Variants in HEATR5A observed in about 807,000 individuals in gnomAD.
HEATR5A encodes HEAT repeat containing 5A, also known as HEAT repeat-containing protein 5A.
A neutral mutation model predicts 218.8 loss-of-function variants in HEATR5A; 178 were observed. The ratio of observed to expected loss-of-function variants is 0.81; its 90% CI spans 0.72 to 0.92. The LOEUF is 0.92. Ranked by LOEUF, HEATR5A falls within the 40% of genes least tolerant of loss-of-function variation. HEATR5A has a pLI of 0.00. For synonymous variants in HEATR5A, 864 were observed against 871.6 expected (o/e 0.99, Z 0.15); for missense variants, 2,420 against 2,418.9 (o/e 1.00, Z -0.01).
chr14:31,345,819 T>C (rs1333625437), intron 19 of HEATR5A, among the ~76,000 whole-genome samples: 1 of 152,174 alleles, frequency 6.6e-6, no homozygotes, highest in Non-Finnish European at 1.5e-5. Context: ...GTATTGATAA[T>C]GGACTGTTTC....
intron 18 of HEATR5A, 123 bp downstream of exon 18, chr14:31,349,664 CAT>C: frequency 1.5e-6 from 1 of 654,230 alleles, no homozygotes; most frequent in South Asian, 2.0e-5. Flanking sequence ...TAGCAGTCAA[CAT>C]TTGACAATTT....
At chr14:31,361,296 T>G (rs1474855339) in intron 14 of HEATR5A, among the ~76,000 whole-genome samples, 1 of 152,190 alleles carries the variant, frequency 6.6e-6, no homozygotes, top group African/African-American at 2.4e-5. Flanking sequence ...AATAGGAAGG[T>G]AGGAACTATT....
At chr14:31,360,035 C>T (rs1901565038) in intron 14 of HEATR5A, among the ~76,000 whole-genome samples, 1 of 103,006 alleles carries the variant, frequency 9.7e-6, no homozygotes, top group Admixed American at 1.3e-4. Context: ...ATCCTGCTAT[C>T]ATAATCTCAT....
At chr14:31,362,904 G>C (rs184523531) in intron 14 of HEATR5A, among the ~76,000 whole-genome samples, 2 of 152,120 alleles carry the variant, frequency 1.3e-5, no homozygotes, top group African/African-American at 4.8e-5. Context: ...GCTGGGCACA[G>C]TGGCTTATGC....
intron 2 of HEATR5A, among the ~76,000 whole-genome samples, 200 bp downstream of exon 2, chr14:31,402,650 C>T (rs967604882): frequency 5.3e-5 from 8 of 152,136 alleles, no homozygotes; most frequent in African/African-American, 1.9e-4. Flanking sequence ...TTTCTTCCTG[C>T]TTTTCTGAAT....
intron 33 of HEATR5A, among the ~76,000 whole-genome samples, chr14:31,299,631 G>A (rs888788555): frequency 6.6e-6 from 1 of 152,120 alleles, no homozygotes; most frequent in Non-Finnish European, 1.5e-5. Flanking sequence ...GCTGAGGCAG[G>A]AGAATTGCTT....
In HEATR5A at chr14:31,371,844, G is replaced by T; in HGVS notation, c.1927C>A (p.Pro643Thr). The T allele has an allele frequency of 6.4e-7, 1 of 1,550,882 alleles. No individual in the cohort carries two copies. The change falls in exon 13 of 36, where the codon CCA (proline) becomes ACA (threonine). Residue 643 changes from proline (P) to threonine (T), a missense_variant. Pro to Thr is a conservative substitution (Grantham distance 38). Transcript: ENST00000543095. ...AAATCCACAGCACAAGGAAGTGGTG[G>T]AAGAAGACGCTGAGTTACTTCCTCA... ...LTEEVTQRLL[P>T]PLPCAVDLLT...
chr14:31,316,848 T>C (rs1000692599), intron 26 of HEATR5A, among the ~76,000 whole-genome samples: 1 of 152,092 alleles, frequency 6.6e-6, no homozygotes, highest in Non-Finnish European at 1.5e-5. Flanking sequence ...CCACCACATC[T>C]GGCTAATTTT....
rs2139240346 is a variant in HEATR5A at position 31,364,075 on chromosome 14, GCA to G, written c.2071+112_2071+113del. The G allele has an allele frequency of 5.5e-6, 3 of 545,238 alleles. No individual in the cohort carries two copies. In the South Asian group the frequency reaches 9.6e-5, roughly 17 times the overall value. The allele number at this position is 545,238 out of a possible 1,614,324, so 33.8% of individuals were successfully genotyped here. A position where few individuals can be genotyped will look rare whatever the true frequency, so the allele number is the denominator to read the frequency against. Reference sequence around the variant, plus strand: ...ACTCCCTAAACCTCCTAGAAACAAGGCACTAAATAACTGCCATTATAATTCAT... The same window carrying G: ...ACTCCCTAAACCTCCTAGAAACAAGGCTAAATAACTGCCATTATAATTCAT... On this transcript the variant is annotated intron_variant, in intron 14 of 35. Coordinates refer to ENST00000543095, the MANE Select transcript of HEATR5A (RefSeq NM_015473.4).
In HEATR5A at chr14:31,305,047, C is replaced by G; in HGVS notation, c.5097G>C (p.Gln1699His). The G allele has an allele frequency of 1.2e-6, 2 of 1,613,930 alleles. No homozygotes were observed. Among genetic ancestry groups the G allele is most frequent in the Non-Finnish European group, 1.7e-6 (2 of 1,179,880 alleles). The change falls in exon 32 of 36, where the codon CAG becomes CAC. Residue 1699 changes from glutamine to histidine, a missense_variant. By Grantham distance (24) the Gln-to-His change is conservative. Coordinates refer to ENST00000543095, the MANE Select transcript of HEATR5A (RefSeq NM_015473.4). ...LELCVCILVR[Q>H]LPELNPKLTG... ...TCAATTTAGGGTTTAATTCTGGGAG[C>G]TGTCTAACTAGAATGCATACACACA...
rs1438664506 is a variant in HEATR5A at position 31,399,786 on chromosome 14, C to T, written c.338+515G>A. On this transcript the variant is annotated intron_variant, in intron 3 of 35. Transcript: ENST00000543095. Reference sequence around the variant, plus strand: ...CAGAGGTTGCAGTGAGTCGAGATCACGCCACTGTACTCCAGCCTGGGTGGA... The same window carrying T: ...CAGAGGTTGCAGTGAGTCGAGATCATGCCACTGTACTCCAGCCTGGGTGGA... 2.0e-5 allele frequency among the ~76,000 whole-genome samples: 3 copies of T among 152,060 alleles called. No homozygotes were observed. In the East Asian group the frequency reaches 5.8e-4, roughly 29 times the overall value.
intron 22 of HEATR5A, among the ~76,000 whole-genome samples, chr14:31,327,822 A>T (rs1900320579): frequency 6.6e-6 from 1 of 152,200 alleles, no homozygotes; most frequent in South Asian, 2.1e-4. Context: ...ACTAGCCTTG[A>T]TCTAGCATCT....
intron 14 of HEATR5A, among the ~76,000 whole-genome samples, chr14:31,361,671 G>A (rs1213088360): frequency 6.6e-6 from 1 of 152,094 alleles, no homozygotes; most frequent in Non-Finnish European, 1.5e-5. Context: ...TAACTTGCTG[G>A]TGAGTTATTT....
chr14:31,385,788 C>A (rs1354028885), intron 9 of HEATR5A, among the ~76,000 whole-genome samples: 3 of 152,186 alleles, frequency 2.0e-5, no homozygotes, highest in Admixed American at 2.0e-4. Context: ...AGTGCAGTGG[C>A]GTTATCTTGG....
chr14:31,310,203 C>CTT (rs112835073), intron 28 of HEATR5A, among the ~76,000 whole-genome samples: 1 of 151,584 alleles, frequency 6.6e-6, no homozygotes, highest in African/African-American at 2.4e-5. Context: ...TGTATGTATC[C>CTT]TTTTTTTTCT....
At chr14:31,353,399 A>G (rs143509325) in intron 16 of HEATR5A, among the ~76,000 whole-genome samples, 1 of 152,292 alleles carries the variant, frequency 6.6e-6, no homozygotes, top group African/African-American at 2.4e-5. Flanking sequence ...TGGGACATTT[A>G]GGCTATTTCT....
intron 2 of HEATR5A, among the ~76,000 whole-genome samples, chr14:31,401,984 T>C (rs2030894601): frequency 6.6e-6 from 1 of 152,146 alleles, no homozygotes; most frequent in Non-Finnish European, 1.5e-5. Context: ...CAATAAAATA[T>C]TTGTCAGTGT....
intron 10 of HEATR5A, 121 bp downstream of exon 10, chr14:31,383,400 C>T (rs913929197): frequency 1.1e-5 from 10 of 886,958 alleles, no homozygotes; most frequent in Non-Finnish European, 1.7e-5. Context: ...TGTAAATGTA[C>T]TTATATGGCA....
chr14:31,294,631 G>A (rs1186045220), intron 34 of HEATR5A, among the ~76,000 whole-genome samples: 2 of 151,946 alleles, frequency 1.3e-5, no homozygotes, highest in South Asian at 2.1e-4. Flanking sequence ...GGCTGGTCTC[G>A]AACTCCTGAC....
Sources: gnomAD v4.1 joint callset for allele counts (sites outside exome capture counted in the v4.1 genomes callset) on GRCh38, gnomAD v4.1.1 for gene constraint, MANE v1.5 for transcripts, NCBI Gene and HGNC (gene_info 2026-07-23, HGNC 2026-07-21) for gene names.